Variants in STK32B observed in about 807,000 individuals in gnomAD.
STK32B encodes the protein serine/threonine kinase 32B, also known as serine/threonine-protein kinase 32B.
In STK32B, 43 loss-of-function variants were observed where a neutral mutation model predicts 52.6. That is an observed-to-expected ratio of 0.82 (90% confidence interval 0.64 to 1.05). The LOEUF is 1.05. Ranked by LOEUF, STK32B falls within the 50% of genes least tolerant of loss-of-function variation. STK32B has a pLI of 0.00. For synonymous variants in STK32B, 238 were observed against 204.3 expected (o/e 1.17, Z -1.41); for missense variants, 621 against 534.6 (o/e 1.16, Z -1.59).
intron 3 of STK32B, among the ~76,000 whole-genome samples, chr4:5,260,827 G>GGT (rs1328839899): frequency 1.3e-5 from 2 of 152,172 alleles, no homozygotes; most frequent in African/African-American, 4.8e-5. Flanking sequence ...CAACATCTGG[G>GGT]GAAGGCAACA....
At position 5,270,937 on chromosome 4, in the gene STK32B, C is replaced by A. The variant is rs1292745955; in HGVS notation, c.261-60283C>A. On this transcript the variant is annotated intron_variant, in intron 3 of 11. Coordinates refer to ENST00000282908, the MANE Select transcript of STK32B (RefSeq NM_018401.3). The stretch of plus-strand genomic sequence containing the variant: ...CAAAAACTGAATTTTCTTCCCTCCA[C>A]ACCCCCCGCCCCTCCCGCCCAGAGA... Among the ~76,000 whole-genome samples the A allele has an allele frequency of 5.3e-5, 8 of 152,226 alleles. No individual in the cohort carries two copies. The East Asian group carries it at 1.5e-3, about 29-fold the overall frequency.
intron 4 of STK32B, among the ~76,000 whole-genome samples, chr4:5,371,552 G>A (rs557338761): frequency 2.2e-4 from 34 of 152,106 alleles, no homozygotes; most frequent in Non-Finnish European, 3.8e-4. Flanking sequence ...TTTCCCTCGC[G>A]CGGTTGTTGT....
intron 3 of STK32B, among the ~76,000 whole-genome samples, chr4:5,208,960 T>C (rs1466331600): frequency 1.3e-5 from 2 of 152,242 alleles, no homozygotes; most frequent in East Asian, 1.9e-4. Flanking sequence ...TGATTCCTTA[T>C]TGCCTTCAGG....
chr4:5,475,204 G>A (rs542677730), intron 11 of STK32B, among the ~76,000 whole-genome samples: 5 of 151,954 alleles, frequency 3.3e-5, no homozygotes, highest in South Asian at 2.1e-4. Context: ...GGCGAATCAC[G>A]AGGTCAGGAG....
At chr4:5,457,267 G>A (rs1342657291) in intron 8 of STK32B, among the ~76,000 whole-genome samples, 1 of 145,704 alleles carries the variant, frequency 6.9e-6, no homozygotes, top group Non-Finnish European at 1.5e-5. Flanking sequence ...CCAGGCTGGA[G>A]TGCAGTGGCG....
intron 7 of STK32B, among the ~76,000 whole-genome samples, chr4:5,454,189 G>T (rs1716290261): frequency 6.6e-6 from 1 of 152,218 alleles, no homozygotes; most frequent in Admixed American, 6.5e-5. Flanking sequence ...CACAGGAGCA[G>T]AGTCAAAGTC....
At position 5,429,116 on chromosome 4, in the gene STK32B, T is replaced by G. The variant is rs753452878; in HGVS notation, c.562+12182T>G. Among the ~76,000 whole-genome samples the G allele has an allele frequency of 2.0e-5, 3 of 152,226 alleles. No individual in the cohort carries two copies. The South Asian group carries it at 6.2e-4, about 31-fold the overall frequency. On this transcript the variant is annotated intron_variant, in intron 6 of 11. Coordinates refer to ENST00000282908, the MANE Select transcript of STK32B (RefSeq NM_018401.3). ...AAGAGATGCTAACAGTATGCTCTTG[T>G]GAGCCAGTATAACCCTACTCTAGTA...
chr4:5,302,982 CTGTGTGTGTGTG>C (rs112918767), intron 3 of STK32B, among the ~76,000 whole-genome samples: 210 of 149,972 alleles, frequency 1.4e-3, no homozygotes, highest in African/African-American at 4.8e-3. Context: ...GTGTGTGTGT[CTGTGTGTGTGTG>C]TGTTTGTGTG....
chr4:5,363,305 C>A (rs138554313), intron 4 of STK32B, among the ~76,000 whole-genome samples: 1 of 152,126 alleles, frequency 6.6e-6, no homozygotes, highest in Non-Finnish European at 1.5e-5. Flanking sequence ...TATTATTTCG[C>A]TTTGGCTATA....
At chr4:5,438,000 A>T (rs901872435) in intron 6 of STK32B, 4 of 985,508 alleles carry the variant, frequency 4.1e-6, no homozygotes, top group Non-Finnish European at 4.8e-6. Flanking sequence ...TTGTCTGATC[A>T]TGACAGCCAG....
At chr4:5,173,473 G>T (rs555959591) in intron 3 of STK32B, among the ~76,000 whole-genome samples, 1 of 152,108 alleles carries the variant, frequency 6.6e-6, no homozygotes, top group East Asian at 1.9e-4. Context: ...ACACTGCTTT[G>T]AATGTGTCCC....
At chr4:5,111,397 TGTG>T (rs1560156837) in intron 1 of STK32B, among the ~76,000 whole-genome samples, 2 of 152,050 alleles carry the variant, frequency 1.3e-5, no homozygotes, top group East Asian at 1.9e-4. Flanking sequence ...ATAAAGAAAT[TGTG>T]GTGTGTGTGT....
chr4:5,120,416 G>T (rs1270606357), intron 1 of STK32B, among the ~76,000 whole-genome samples: 1 of 152,104 alleles, frequency 6.6e-6, no homozygotes, highest in East Asian at 1.9e-4. Flanking sequence ...GAGGGAGAAA[G>T]CATTCACATA....
At chr4:5,183,251 G>T (rs558166745) in intron 3 of STK32B, among the ~76,000 whole-genome samples, 2 of 152,284 alleles carry the variant, frequency 1.3e-5, no homozygotes, top group South Asian at 4.1e-4. Context: ...CCCGAGGCAG[G>T]CAGATCACCT....
rs139131134 is a variant in STK32B at position 5,099,631 on chromosome 4, C to T, written c.53-40274C>T. 3.9e-3 allele frequency among the ~76,000 whole-genome samples: 598 copies of T among 152,044 alleles called. 6 individuals are homozygous for T. Among genetic ancestry groups the T allele is most frequent in the African/African-American group, 0.013 (557 of 41,468 alleles). ...TGGAGGTGGTCTACGAACTGGGCCT[C>T]GAAGGACAGATAGGATTTGAAAGAA... On this transcript the variant is annotated intron_variant, in intron 1 of 11. Coordinates refer to ENST00000282908, the MANE Select transcript of STK32B (RefSeq NM_018401.3).
chr4:5,465,368 T>C (rs933970019), intron 9 of STK32B, among the ~76,000 whole-genome samples: 14 of 152,038 alleles, frequency 9.2e-5, no homozygotes, highest in African/African-American at 3.4e-4. Flanking sequence ...GCCAGGACTT[T>C]CCCCAGTTCT....
chr4:5,148,455 ATAT>A (rs1449897469), intron 2 of STK32B, among the ~76,000 whole-genome samples: 3 of 151,816 alleles, frequency 2.0e-5, no homozygotes, highest in Non-Finnish European at 4.4e-5. Context: ...TTAGTTAATA[ATAT>A]TTTATAATTC....
intron 3 of STK32B, among the ~76,000 whole-genome samples, chr4:5,174,975 A>G (rs1368526068): frequency 6.6e-6 from 1 of 152,176 alleles, no homozygotes; most frequent in Admixed American, 6.5e-5. Context: ...ACATAGTCCC[A>G]TATTTCTTGT....
chr4:5,186,024 C>G (rs555304546), intron 3 of STK32B, among the ~76,000 whole-genome samples: 25 of 152,340 alleles, frequency 1.6e-4, no homozygotes, highest in African/African-American at 5.8e-4. Flanking sequence ...TCTTCGGTCA[C>G]TGCGAGAACT....
Sources: gnomAD v4.1 joint callset for allele counts (sites outside exome capture counted in the v4.1 genomes callset) on GRCh38, gnomAD v4.1.1 for gene constraint, MANE v1.5 for transcripts, NCBI Gene and HGNC (gene_info 2026-07-23, HGNC 2026-07-21) for gene names.